The following BIRC6 variants were observed in gnomAD, a reference collection of about 807,000 sequenced individuals.
BIRC6 encodes baculoviral IAP repeat containing 6, also known as dual E2 ubiquitin-conjugating enzyme/E3 ubiquitin-protein ligase BIRC6.
Under a neutral mutation model 503.3 loss-of-function variants are expected in BIRC6, and 98 were observed. The ratio of observed to expected loss-of-function variants is 0.19; its 90% CI spans 0.17 to 0.23. The LOEUF is 0.23. Ranked by LOEUF, BIRC6 falls within the 10% of genes least tolerant of loss-of-function variation. The pLI is 1.00. For missense variants in BIRC6, 5,360 were observed against 5,806.0 expected, an observed-to-expected ratio of 0.92 and a Z score of 2.50; for synonymous variants, 2,240 against 2,078.7, an observed-to-expected ratio of 1.08 and a Z score of -2.11.
At chr2:32,392,595 T>G (rs1265641076) in intron 5 of BIRC6, among the ~76,000 whole-genome samples, 2 of 152,186 alleles carry the variant, frequency 1.3e-5, no homozygotes, top group Admixed American at 6.5e-5. Context: ...TCTTTAAGAT[T>G]AGATACAACT....
Position 32,406,556 on chromosome 2 carries a change from A to G in BIRC6, c.1476A>G (p.Thr492=), listed in dbSNP as rs1445974431. The change falls in exon 9 of 74, where the codon ACA becomes ACG. Residue 492 remains threonine, a splice_region_variant and synonymous_variant. Transcript: ENST00000421745. ...SEEHSRSDSV[T]GHTSQKEAME... ...AGCATTCCAGATCAGATTCTGTGAC[A>G]GGTATGTAAAAAGTATTAGATAATG... 3.1e-6 allele frequency: 5 copies of G among 1,603,728 alleles called. No individual in the cohort carries two copies. The African/African-American group carries it at 5.4e-5, about 17-fold the overall frequency.
intron 65 of BIRC6, among the ~76,000 whole-genome samples, chr2:32,558,268 T>G (rs1484593109): frequency 2.6e-5 from 4 of 152,172 alleles, no homozygotes; most frequent in Non-Finnish European, 5.9e-5. Context: ...ACTTAAAAAT[T>G]TTTACGTATC....
At chr2:32,554,477 T>C (rs1264996636) in intron 65 of BIRC6, among the ~76,000 whole-genome samples, 1 of 152,166 alleles carries the variant, frequency 6.6e-6, no homozygotes, top group Non-Finnish European at 1.5e-5. Flanking sequence ...GATTTTGTCA[T>C]TATGAAAAAT....
At position 32,515,597 on chromosome 2, in the gene BIRC6, T is replaced by G. The variant is rs778427050; in HGVS notation, c.11176T>G (p.Ser3726Ala). ...TTTATTGTGTCACTCTGGGTCCACT[T>G]CTGGAAGCCATAATTTAGGTGCACA... is the stretch of plus-strand genomic sequence containing the variant. ...LFLLCHSGST[S>A]GSHNLGAQQT... The change falls in exon 55 of 74, where the codon TCT becomes GCT. Residue 3726 changes from serine (S) to alanine (A), a missense_variant. Ser to Ala is a moderately conservative substitution (Grantham distance 99). Around this residue, in one of 16 missense-constraint regions of BIRC6, gnomAD observed 878 missense variants for 928.9 expected, o/e 0.95. Transcript: ENST00000421745. 6.2e-7 allele frequency: 1 copy of G among 1,613,782 alleles called. No homozygotes were observed. Among genetic ancestry groups the G allele is most frequent in the African/African-American group, 1.3e-5 (1 of 74,948 alleles).
At chr2:32,464,876 A>C (rs2048357919) in intron 25 of BIRC6, 53 bp downstream of exon 25, 2 of 1,534,994 alleles carry the variant, frequency 1.3e-6, no homozygotes, top group Non-Finnish European at 1.7e-6. Flanking sequence ...ATATCTTGAA[A>C]TATACTCTAA....
chr2:32,583,165 G>C (rs544782169), intron 66 of BIRC6, among the ~76,000 whole-genome samples: 18 of 152,320 alleles, frequency 1.2e-4, no homozygotes, highest in Middle Eastern at 3.4e-3. Context: ...TTACCTGTTA[G>C]AGTAACCTAT....
At chr2:32,505,297 T>G in intron 50 of BIRC6, 92 bp downstream of exon 50, 1 of 1,019,934 alleles carries the variant, frequency 9.8e-7, no homozygotes, top group Non-Finnish European at 1.4e-6. Context: ...GAAATACACT[T>G]AGGTGTGATT....
intron 66 of BIRC6, among the ~76,000 whole-genome samples, chr2:32,580,651 T>G (rs2060611163): frequency 6.6e-6 from 1 of 152,162 alleles, no homozygotes; most frequent in African/African-American, 2.4e-5. Flanking sequence ...AAAGATGGTC[T>G]TCAGGTGTAG....
chr2:32,442,760 G>A (rs907306407), intron 19 of BIRC6, among the ~76,000 whole-genome samples: 1 of 152,040 alleles, frequency 6.6e-6, no homozygotes, highest in Non-Finnish European at 1.5e-5. Flanking sequence ...ACTTTCCTTG[G>A]TTGTCTTTTC....
At chr2:32,519,054 G>A in intron 57 of BIRC6, 108 bp downstream of exon 57, 1 of 1,074,840 alleles carries the variant, frequency 9.3e-7, no homozygotes, top group Non-Finnish European at 1.3e-6. Context: ...AACCATTGAT[G>A]ACTAGGAAAG....
chr2:32,521,471 G>GT (rs1254575311), intron 57 of BIRC6, among the ~76,000 whole-genome samples: 1 of 133,262 alleles, frequency 7.5e-6, no homozygotes, highest in Non-Finnish European at 1.6e-5. Flanking sequence ...TGTTTTTTTT[G>GT]TTTTTTGTTT....
At chr2:32,588,037 C>T (rs1055955641) in intron 66 of BIRC6, among the ~76,000 whole-genome samples, 7 of 152,084 alleles carry the variant, frequency 4.6e-5, no homozygotes, top group African/African-American at 9.7e-5. Flanking sequence ...CTTTAGCTGT[C>T]GATGTTTTTC....
chr2:32,423,623 T>C (rs2043168883), intron 10 of BIRC6, among the ~76,000 whole-genome samples: 1 of 152,234 alleles, frequency 6.6e-6, no homozygotes, highest in Non-Finnish European at 1.5e-5. Flanking sequence ...ATGTATCACA[T>C]CTTGGTTCCT....
chr2:32,601,763 G>C (rs996839921), intron 70 of BIRC6, among the ~76,000 whole-genome samples: 6 of 152,166 alleles, frequency 3.9e-5, no homozygotes, highest in Non-Finnish European at 8.8e-5. Context: ...CAGATTAAGT[G>C]TCCCCAGTTC....
intron 66 of BIRC6, among the ~76,000 whole-genome samples, chr2:32,578,106 T>G (rs2060385967): frequency 6.6e-6 from 1 of 152,236 alleles, no homozygotes; most frequent in Non-Finnish European, 1.5e-5. Flanking sequence ...GTGCAGCCTC[T>G]GTTATAAGAC....
chr2:32,617,761 C>A lies in BIRC6; in HGVS notation c.14431C>A (p.Leu4811Ile), dbSNP rs1402032302. 1.9e-6 allele frequency: 3 copies of A among 1,613,910 alleles called. No individual in the cohort carries two copies. Among genetic ancestry groups the A allele is most frequent in the Non-Finnish European group, 1.7e-6 (2 of 1,179,902 alleles). Residue 4811 changes from leucine (L) to isoleucine (I), a missense_variant, in exon 74 of 74, where the codon CTT (leucine) becomes ATT (isoleucine). Transcript: ENST00000421745. ...TAQLREELLK[L>I]PCPEGLDPDT... is the part of the protein sequence containing the mutation. ...TCAGCTCCGCGAAGAGTTGCTGAAA[C>A]TTCCCTGCCCTGAAGGCTTGGATCC...
intron 65 of BIRC6, among the ~76,000 whole-genome samples, chr2:32,558,435 C>A (rs1345282171): frequency 1.3e-5 from 2 of 151,804 alleles, no homozygotes; most frequent in Non-Finnish European, 2.9e-5. Context: ...ATAATTTTTT[C>A]CTTTGAAGAT....
chr2:32,457,610 C>G (rs74618834), intron 23 of BIRC6, among the ~76,000 whole-genome samples: 1 of 151,988 alleles, frequency 6.6e-6, no homozygotes, highest in Non-Finnish European at 1.5e-5. Context: ...TATATGAATT[C>G]CCATGATACA....
intron 66 of BIRC6, 94 bp downstream of exon 66, chr2:32,575,460 T>C (rs2060198549): frequency 8.3e-7 from 1 of 1,205,562 alleles, no homozygotes; most frequent in Admixed American, 1.9e-5. Flanking sequence ...TGATATGTGC[T>C]TTTTAAAAGC....
Sources: gnomAD v4.1 joint callset for allele counts (sites outside exome capture counted in the v4.1 genomes callset) on GRCh38, gnomAD v4.1.1 for gene constraint, gnomAD v4.1.1 regional missense constraint, MANE v1.5 for transcripts, NCBI Gene and HGNC (gene_info 2026-07-23, HGNC 2026-07-21) for gene names.